NSL1: variants seen among roughly 807,000 people sequenced by gnomAD.
NSL1 encodes kinetochore-associated protein NSL1 homolog.
A neutral mutation model predicts 25.4 loss-of-function variants in NSL1; 11 were observed. The ratio of observed to expected loss-of-function variants is 0.43; its 90% CI spans 0.27 to 0.72. The LOEUF (loss-of-function observed/expected upper bound fraction) is 0.72, where lower values mean the gene tolerates loss of function less well. NSL1 is among the 30% of genes least tolerant of loss of function. The pLI is 0.19. For synonymous variants in NSL1, 118 were observed against 120.6 expected, an observed-to-expected ratio of 0.98 and a Z score of 0.14; for missense variants, 330 against 342.7, an observed-to-expected ratio of 0.96 and a Z score of 0.29.
Position 212,728,122 on chromosome 1 carries a change from C to G in NSL1, c.*10286G>C. The G allele has an allele frequency of 1.0e-6, 1 of 969,336 alleles. No homozygotes were observed. Among genetic ancestry groups the G allele is most frequent in the South Asian group, 4.8e-5 (1 of 20,918 alleles). 60.0% of individuals were successfully genotyped at this position (969,336 alleles called of 1,614,324 possible). ...TCATGAAATGGGCGTGGTAATAGCC[C>G]TTAATTCATGGATTGTCTTGAGGAT... On this transcript the variant is annotated 3_prime_UTR_variant, in exon 6 of 6. Coordinates refer to ENST00000366977, the MANE Select transcript of NSL1 (RefSeq NM_015471.4).
chr1:212,746,064 T>C (rs1040921019), intron 4 of NSL1, among the ~76,000 whole-genome samples: 2 of 152,138 alleles, frequency 1.3e-5, no homozygotes, highest in African/African-American at 4.8e-5. Context: ...CAGGCTGAAA[T>C]GAAAGGATGC....
chr1:212,768,696 T>C (rs1659957283), intron 4 of NSL1, among the ~76,000 whole-genome samples: 1 of 152,134 alleles, frequency 6.6e-6, no homozygotes, highest in African/African-American at 2.4e-5. Context: ...ATAAGAATGA[T>C]ATAATAGACT....
intron 4 of NSL1, among the ~76,000 whole-genome samples, chr1:212,779,016 A>C (rs1571913540): frequency 4.0e-5 from 5 of 125,220 alleles, no homozygotes; most frequent in South Asian, 2.7e-4. Context: ...CCGGCCGCCC[A>C]TCGTCTGAGA....
intron 4 of NSL1, among the ~76,000 whole-genome samples, chr1:212,759,800 A>G (rs1033307783): frequency 6.6e-6 from 1 of 152,080 alleles, no homozygotes; most frequent in African/African-American, 2.4e-5. Context: ...ACTCTAGCCT[A>G]CACAGTGTCC....
Position 212,773,604 on chromosome 1 carries a change from G to A in NSL1, c.499+8768C>T, listed in dbSNP as rs566978668. 1.2e-4 allele frequency among the ~76,000 whole-genome samples: 19 copies of A among 152,172 alleles called. No individual in the cohort carries two copies. The South Asian group carries it at 1.5e-3, about 12-fold the overall frequency. Reference sequence around the variant, plus strand: ...GTTGGTCAGAATGTAAATTAGTATAGCTACAATGGAAAACAATATGGAGGT... The same window carrying A: ...GTTGGTCAGAATGTAAATTAGTATAACTACAATGGAAAACAATATGGAGGT... On this transcript the variant is annotated intron_variant, in intron 4 of 5. Transcript: ENST00000366977.
chr1:212,745,338 C>T (rs1382690562), intron 4 of NSL1, among the ~76,000 whole-genome samples: 1 of 151,760 alleles, frequency 6.6e-6, no homozygotes, highest in East Asian at 1.9e-4. Flanking sequence ...AGAAGCTCAA[C>T]AAACTCCAAG....
chr1:212,737,947 A>AC lies in NSL1; in HGVS notation c.*460dup, dbSNP rs1658300925. 1 of 985,622 alleles carries AC rather than the reference A, an allele frequency of 1.0e-6. No individual in the cohort carries two copies. The allele number at this position is 985,622 out of a possible 1,614,324, so 61.1% of individuals were successfully genotyped here. ...AATCAAACTACATCTTTAAAAAAAA[A>AC]CCCTGCATCTGCTGCTGTGCAGAAC... On this transcript the variant is annotated 3_prime_UTR_variant, in exon 6 of 6. Coordinates refer to ENST00000366977, the MANE Select transcript of NSL1 (RefSeq NM_015471.4).
In NSL1 at chr1:212,760,716, T is replaced by G. The variant is rs1170591044; in HGVS notation, c.500-21115A>C. On this transcript the variant is annotated intron_variant, in intron 4 of 5. Transcript: ENST00000366977. The surrounding 1 kb of genome is among the most constrained non-coding windows in gnomAD (Gnocchi z 4.3). ...ACCACGCATACTGCCCAGGGACTCA[T>G]GAAACCACCTGCCTGCCCATCCCAT... is the stretch of plus-strand genomic sequence containing the variant. Among the ~76,000 whole-genome samples the G allele has an allele frequency of 6.6e-6, 1 of 152,068 alleles. No homozygotes were observed. Among genetic ancestry groups the G allele is most frequent in the Non-Finnish European group, 1.5e-5 (1 of 68,010 alleles).
chr1:212,789,653 G>A (rs1345655337), intron 1 of NSL1, among the ~76,000 whole-genome samples: 2 of 152,212 alleles, frequency 1.3e-5, no homozygotes, highest in African/African-American at 2.4e-5. Flanking sequence ...TTTAAACAGA[G>A]ATACAAAATA....
chr1:212,738,758 G>GAT, intron 5 of NSL1, 72 bp from the exon 6 acceptor site: 1 of 1,267,214 alleles, frequency 7.9e-7, no homozygotes, highest in Non-Finnish European at 1.1e-6. Context: ...GATGGATGCA[G>GAT]TACTCTAATT....
At chr1:212,778,536 T>A (rs955782728) in intron 4 of NSL1, among the ~76,000 whole-genome samples, 2 of 152,220 alleles carry the variant, frequency 1.3e-5, no homozygotes, top group Non-Finnish European at 2.9e-5. Flanking sequence ...GTGCCTGCGA[T>A]TGCAGGCGCG....
Position 212,731,868 on chromosome 1 carries a change from TCCATGTCCTGGGACACCCTACCCTGCC to T in NSL1, c.*6513_*6539del, listed in dbSNP as rs1658028055. The T allele has an allele frequency of 2.0e-6, 2 of 985,216 alleles. No homozygotes were observed. Among genetic ancestry groups the T allele is most frequent in the Non-Finnish European group, 2.4e-6 (2 of 829,916 alleles). The allele number at this position is 985,216 out of a possible 1,614,324, so 61.0% of individuals were successfully genotyped here. On this transcript the variant is annotated 3_prime_UTR_variant, in exon 6 of 6. Transcript: ENST00000366977. ...TCCCTGCCACTCTGGCTGCTCCAGC[TCCATGTCCTGGGACACCCTACCCTGCC>T]CCAGGACCCAGCAGCTATAAGGGCC...
At position 212,738,347 on chromosome 1, in the gene NSL1, T is replaced by C; in HGVS notation, c.*61A>G. 2 of 1,544,030 alleles carry C rather than the reference T, an allele frequency of 1.3e-6. No homozygotes were observed. The highest frequency in any genetic ancestry group is 4.5e-5 in the East Asian group (2 of 44,430). On this transcript the variant is annotated 3_prime_UTR_variant, in exon 6 of 6. Transcript: ENST00000366977. ...AATGAAGTCTTATCTAGGTATTAAT[T>C]AGGCTGTAATCTAAATGTTGATGGT...
chr1:212,759,641 A>G (rs1163780038), intron 4 of NSL1, among the ~76,000 whole-genome samples: 1 of 151,580 alleles, frequency 6.6e-6, no homozygotes, highest in Non-Finnish European at 1.5e-5. Context: ...TGAGAATTCA[A>G]CCCCCACCAG....
intron 1 of NSL1, among the ~76,000 whole-genome samples, chr1:212,788,452 G>A (rs1341983532): frequency 1.3e-5 from 2 of 152,096 alleles, no homozygotes; most frequent in African/African-American, 2.4e-5. Context: ...GTGGATATAT[G>A]GGTGTCCACT....
chr1:212,739,023 A>G (rs1362618670), intron 5 of NSL1, among the ~76,000 whole-genome samples: 9 of 152,160 alleles, frequency 5.9e-5, no homozygotes, highest in Middle Eastern at 3.2e-3. Flanking sequence ...TTGGCCTCCC[A>G]AAGTGCTTGG....
At chr1:212,753,506 T>A (rs1275705997) in intron 4 of NSL1, among the ~76,000 whole-genome samples, 1 of 152,162 alleles carries the variant, frequency 6.6e-6, no homozygotes, top group Admixed American at 6.5e-5. Flanking sequence ...CCTAAAGCAC[T>A]GATGTCACTT....
intron 2 of NSL1, among the ~76,000 whole-genome samples, chr1:212,785,493 C>A (rs34110137): frequency 0.18 from 27,168 of 151,918 alleles, 2,746 homozygotes; most frequent in African/African-American, 0.28. Flanking sequence ...CTCCCCACTC[C>A]CCCGACCCCA....
rs902576539 is a variant in NSL1 at position 212,735,615 on chromosome 1, C to T, written c.*2793G>A. ...ATGATGAAGCCTTAACTCCCATGTGCCTATAGCTGTATTTGGAGATGGGGC... is the reference window on the plus strand; with the variant it reads ...ATGATGAAGCCTTAACTCCCATGTGTCTATAGCTGTATTTGGAGATGGGGC... On this transcript the variant is annotated 3_prime_UTR_variant, in exon 6 of 6. Coordinates refer to ENST00000366977, the MANE Select transcript of NSL1 (RefSeq NM_015471.4). 4.9e-6 allele frequency: 4 copies of T among 808,730 alleles called. No individual in the cohort carries two copies. The highest frequency in any genetic ancestry group is 6.2e-5 in the Admixed American group (1 of 16,036). The allele number at this position is 808,730 out of a possible 1,614,324, so 50.1% of individuals were successfully genotyped here. A position where few individuals can be genotyped will look rare whatever the true frequency, so the allele number is the denominator to read the frequency against.
Sources: allele counts gnomAD v4.1 joint callset (sites outside exome capture counted in the v4.1 genomes callset), GRCh38; gene constraint gnomAD v4.1.1; non-coding constraint Gnocchi (gnomAD v3.1); transcripts MANE v1.5; gene names NCBI Gene and HGNC (gene_info 2026-07-23, HGNC 2026-07-21).